Variants in RHOBTB1 observed in about 807,000 individuals in gnomAD.
RHOBTB1 encodes the protein rho-related BTB domain-containing protein 1.
RHOBTB1 carries 40 observed loss-of-function variants against 71.6 expected under a neutral mutation model. That is an observed-to-expected ratio of 0.56 (90% CI 0.43 to 0.73). The LOEUF is 0.73. RHOBTB1 is among the 30% of genes least tolerant of loss of function. The pLI, the probability that RHOBTB1 is intolerant of heterozygous loss-of-function variation, is 0.00. For missense variants in RHOBTB1, 797 were observed against 894.0 expected (o/e 0.89, Z 1.38); for synonymous variants, 319 against 334.9 (o/e 0.95, Z 0.52).
intron 4 of RHOBTB1, among the ~76,000 whole-genome samples, chr10:60,908,630 G>A (rs2082803238): frequency 6.6e-6 from 1 of 152,168 alleles, no homozygotes; most frequent in Admixed American, 6.5e-5. Context: ...GGGACCTATA[G>A]TGAATTAAAA....
chr10:60,892,008 T>C (rs1190536685), intron 5 of RHOBTB1, among the ~76,000 whole-genome samples: 1 of 152,202 alleles, frequency 6.6e-6, no homozygotes, highest in Non-Finnish European at 1.5e-5. Context: ...CCTGCCGCCA[T>C]ACGAAGAAGG....
intron 7 of RHOBTB1, among the ~76,000 whole-genome samples, chr10:60,885,146 A>G (rs1008013469): frequency 6.6e-6 from 1 of 152,226 alleles, no homozygotes; most frequent in African/African-American, 2.4e-5. Context: ...AATGTATCGT[A>G]TATTTCAAAA....
At chr10:60,885,328 C>T (rs935771790) in intron 7 of RHOBTB1, among the ~76,000 whole-genome samples, 5 of 152,084 alleles carry the variant, frequency 3.3e-5, no homozygotes, top group Non-Finnish European at 7.4e-5. Context: ...AGTAAAACAA[C>T]AAGAAAGACA....
intron 2 of RHOBTB1, chr10:60,913,051 GTGTT>G (rs1266045532): frequency 6.6e-6 from 1 of 152,192 alleles, no homozygotes; most frequent in Non-Finnish European, 1.5e-5. Flanking sequence ...TGGGACTCAA[GTGTT>G]TGTTTAATTC....
chr10:60,910,547 T>G (rs190940117), intron 4 of RHOBTB1, among the ~76,000 whole-genome samples: 17 of 152,226 alleles, frequency 1.1e-4, no homozygotes, highest in African/African-American at 3.6e-4. Flanking sequence ...CAAAATAACT[T>G]AAAACATTCT....
chr10:60,995,740 T>G (rs1433240685), intron 1 of RHOBTB1, among the ~76,000 whole-genome samples: 1 of 152,200 alleles, frequency 6.6e-6, no homozygotes, highest in Non-Finnish European at 1.5e-5. Context: ...GTTTCTGCCC[T>G]TATTGTTTTT....
At chr10:60,879,116 A>G (rs1207553303) in intron 7 of RHOBTB1, among the ~76,000 whole-genome samples, 3 of 152,210 alleles carry the variant, frequency 2.0e-5, no homozygotes, top group Non-Finnish European at 4.4e-5. Context: ...AAGGAGGTTA[A>G]TTTAAATCTT....
chr10:60,997,796 C>A (rs2087109477), intron 1 of RHOBTB1, among the ~76,000 whole-genome samples: 1 of 152,178 alleles, frequency 6.6e-6, no homozygotes, highest in Non-Finnish European at 1.5e-5. Flanking sequence ...AATGCTGCTA[C>A]TCAGGATTGG....
In RHOBTB1 at chr10:60,966,190, T is replaced by C. The variant is rs200506901; in HGVS notation, c.-62+19655A>G. ...AAACATACCAAAAAACTTTTAATAT[T>C]AGTTTTCTCTGATGTTAGGATTATG... is the stretch of plus-strand genomic sequence containing the variant. On this transcript the variant is annotated intron_variant, in intron 2 of 11. Transcript: ENST00000357917. Among the ~76,000 whole-genome samples the C allele has an allele frequency of 1.2e-4, 19 of 152,214 alleles. No homozygotes were observed. The East Asian group carries it at 3.7e-3, about 29-fold the overall frequency.
intron 1 of RHOBTB1, among the ~76,000 whole-genome samples, chr10:60,999,847 G>A (rs905764702): frequency 6.6e-5 from 10 of 152,170 alleles, no homozygotes; most frequent in African/African-American, 1.7e-4. Flanking sequence ...TCACCCAACC[G>A]TAAGGTAAAT....
intron 2 of RHOBTB1, among the ~76,000 whole-genome samples, chr10:60,973,786 G>T (rs1176789711): frequency 1.3e-5 from 2 of 151,914 alleles, no homozygotes; most frequent in Non-Finnish European, 2.9e-5. Flanking sequence ...GCCATTTGGG[G>T]GCTGACTTGA....
chr10:60,988,484 G>A (rs1300549897), intron 1 of RHOBTB1, among the ~76,000 whole-genome samples: 3 of 151,654 alleles, frequency 2.0e-5, no homozygotes, highest in Non-Finnish European at 4.4e-5. Context: ...AGTCCCCAGT[G>A]TCTGTTGTTC....
intron 1 of RHOBTB1, among the ~76,000 whole-genome samples, chr10:60,998,530 T>C (rs1054044860): frequency 2.6e-5 from 4 of 152,082 alleles, no homozygotes; most frequent in East Asian, 1.9e-4. Context: ...AGGGCTGAGA[T>C]AGAGAAGAAC....
intron 1 of RHOBTB1, among the ~76,000 whole-genome samples, chr10:60,991,045 C>T (rs765140879): frequency 6.6e-6 from 1 of 152,194 alleles, no homozygotes; most frequent in Non-Finnish European, 1.5e-5. Flanking sequence ...AATTTTACCT[C>T]CTACATATCT....
chr10:60,947,099 A>G (rs1018029127), upstream of RHOBTB1, among the ~76,000 whole-genome samples: 1 of 152,214 alleles, frequency 6.6e-6, no homozygotes, highest in Admixed American at 6.5e-5. Flanking sequence ...AGTAGTACAG[A>G]CCGTATTTTG....
intron 7 of RHOBTB1, among the ~76,000 whole-genome samples, chr10:60,885,458 G>A (rs1297000267): frequency 6.6e-6 from 1 of 152,162 alleles, no homozygotes; most frequent in African/African-American, 2.4e-5. Flanking sequence ...ACCTTGAGAG[G>A]TGTGTTCAGG....
intron 1 of RHOBTB1, among the ~76,000 whole-genome samples, chr10:60,994,342 A>C (rs780892406): frequency 6.6e-6 from 1 of 152,168 alleles, no homozygotes; most frequent in Admixed American, 6.5e-5. Context: ...ATAGAAAGTG[A>C]GTGAGATTAG....
chr10:60,987,610 T>A (rs907492613), intron 1 of RHOBTB1, among the ~76,000 whole-genome samples: 4 of 152,174 alleles, frequency 2.6e-5, no homozygotes, highest in Admixed American at 6.6e-5. Context: ...TCTAATGTGT[T>A]CCTGCTTCCA....
rs569309616 is a variant in RHOBTB1, at chr10:60,987,158, C to A, written c.-162-1213G>T. On this transcript the variant is annotated intron_variant, in intron 1 of 11. Transcript: ENST00000357917. ...CAGTGAAACAAATCACAGCATGAGG[C>A]CTCTTCCTTGAAATCCACATCTTTT... 2.6e-5 allele frequency among the ~76,000 whole-genome samples: 4 copies of A among 152,286 alleles called. No individual in the cohort carries two copies. The South Asian group carries it at 8.3e-4, about 32-fold the overall frequency.
Sources: allele counts gnomAD v4.1 joint callset (sites outside exome capture counted in the v4.1 genomes callset), GRCh38; gene constraint gnomAD v4.1.1; transcripts MANE v1.5; gene names NCBI Gene and HGNC (gene_info 2026-07-23, HGNC 2026-07-21).